Variants in USP30 observed in about 807,000 individuals in gnomAD.
USP30 encodes the protein ubiquitin carboxyl-terminal hydrolase 30.
A neutral mutation model predicts 68.2 loss-of-function variants in USP30; 41 were observed. The ratio of observed to expected loss-of-function variants is 0.60; its 90% CI spans 0.47 to 0.78. The LOEUF is 0.78. Among genes scored for constraint, USP30 ranks in the 30% least tolerant of loss-of-function variants. The pLI is 0.00. For missense variants in USP30, 522 were observed against 649.4 expected (o/e 0.80, Z 2.13); for synonymous variants, 229 against 253.7 (o/e 0.90, Z 0.93).
intron 7 of USP30, among the ~76,000 whole-genome samples, chr12:109,077,331 GTCTTTTCTTTAGCTCTATT>G (rs1313679249): frequency 6.6e-6 from 1 of 151,996 alleles, no homozygotes; most frequent in Non-Finnish European, 1.5e-5. Context: ...GCTAAAATTT[GTCTTTTCTTTAGCTCTATT>G]TCTGCTAATT....
intron 3 of USP30, among the ~76,000 whole-genome samples, chr12:109,043,372 T>G (rs1276080168): frequency 6.6e-6 from 1 of 152,150 alleles, no homozygotes; most frequent in Non-Finnish European, 1.5e-5. Context: ...CAAAACAGTA[T>G]GATACTGGCA....
At chr12:109,055,038 G>A (rs568911958) in intron 1 of USP30, among the ~76,000 whole-genome samples, 12 of 151,764 alleles carry the variant, frequency 7.9e-5, no homozygotes, top group South Asian at 2.1e-4. Context: ...ACACAAACAC[G>A]TATGTATGCA....
chr12:109,028,269 T>C (rs2040458308), intron 3 of USP30, among the ~76,000 whole-genome samples: 1 of 152,170 alleles, frequency 6.6e-6, no homozygotes, highest in Non-Finnish European at 1.5e-5. Context: ...ATTTTTGTAT[T>C]GCTGTAAAGG....
At position 109,023,168 on chromosome 12, in the gene USP30, G is replaced by A. The variant is rs1736125986; in HGVS notation, c.-498+1G>A. ...ATTATGGATTCAAATGTCTCTGAAGGTTTTTGCTTTAATTACCCCTTTTCC... is the reference window on the plus strand; with the variant it reads ...ATTATGGATTCAAATGTCTCTGAAGATTTTTGCTTTAATTACCCCTTTTCC... On this transcript the variant is annotated splice_donor_variant, in intron 1 of 15. Transcript: ENST00000392784. LOFTEE classifies it low-confidence loss of function (5UTR_SPLICE). 1.3e-5 allele frequency: 2 copies of A among 152,260 alleles called. No homozygotes were observed. The highest frequency in any genetic ancestry group is 4.1e-4 in the South Asian group (2 of 4,832). 9.4% of individuals were successfully genotyped at this position (152,260 alleles called of 1,614,324 possible). A position where few individuals can be genotyped will look rare whatever the true frequency, so the allele number is the denominator to read the frequency against.
chr12:109,069,681 G>T (rs1161238016), intron 4 of USP30, among the ~76,000 whole-genome samples: 1 of 152,190 alleles, frequency 6.6e-6, no homozygotes, highest in Non-Finnish European at 1.5e-5. Context: ...GCAGGCAGGG[G>T]TCGGTGCAGA....
In USP30 at chr12:109,082,548, A is replaced by G; in HGVS notation, c.868-115A>G. 4 of 932,684 alleles carry G rather than the reference A, an allele frequency of 4.3e-6. No homozygotes were observed. The South Asian group carries it at 6.6e-5, about 15-fold the overall frequency. 57.8% of individuals were successfully genotyped at this position (932,684 alleles called of 1,614,324 possible). On this transcript the variant is annotated intron_variant, in intron 9 of 12. Coordinates refer to ENST00000257548, the MANE Select transcript of USP30 (RefSeq NM_032663.5). Reference sequence around the variant, plus strand: ...ATAACTGGGCAGCTGGGTTCATTTCAGCAGGTAGCAGTCAAGTGCCAATTG... The same window carrying G: ...ATAACTGGGCAGCTGGGTTCATTTCGGCAGGTAGCAGTCAAGTGCCAATTG...
intron 7 of USP30, among the ~76,000 whole-genome samples, chr12:109,074,483 T>C (rs1332990583): frequency 6.6e-6 from 1 of 152,220 alleles, no homozygotes; most frequent in African/African-American, 2.4e-5. Flanking sequence ...CCATTTTTCA[T>C]TCCCACCGGC....
chr12:109,067,202 C>G (rs774006489), intron 3 of USP30, among the ~76,000 whole-genome samples: 1 of 150,412 alleles, frequency 6.6e-6, no homozygotes, highest in Non-Finnish European at 1.5e-5. Flanking sequence ...CAAGCTCCGC[C>G]TCCCGGGTTC....
chr12:109,083,866 C>T (rs908572972), intron 11 of USP30, among the ~76,000 whole-genome samples: 1 of 152,142 alleles, frequency 6.6e-6, no homozygotes, highest in African/African-American at 2.4e-5. Context: ...GGCCCGACAC[C>T]TCATCATGTC....
intron 1 of USP30, chr12:109,053,540 A>C (rs899842445): frequency 1.3e-5 from 2 of 153,456 alleles, no homozygotes; most frequent in African/African-American, 4.8e-5. Context: ...GCTGACCCCA[A>C]ATGACTGAGA....
intron 1 of USP30, chr12:109,053,801 GT>G: frequency 3.7e-6 from 1 of 271,544 alleles, no homozygotes; most frequent in Non-Finnish European, 7.4e-6. Flanking sequence ...TTGTCCCTGG[GT>G]ATTTTTTCCT....
At chr12:109,067,752 T>G in intron 4 of USP30, 125 bp downstream of exon 4, 1 of 774,100 alleles carries the variant, frequency 1.3e-6, no homozygotes, top group Non-Finnish European at 2.1e-6. Context: ...TTTAGTGTTC[T>G]GGGACCAGAG....
chr12:109,038,535 T>C (rs1201462498), intron 3 of USP30, among the ~76,000 whole-genome samples: 2 of 152,198 alleles, frequency 1.3e-5, no homozygotes, highest in Admixed American at 1.3e-4. Context: ...ATTCATTTCT[T>C]CAGCAATGAA....
intron 7 of USP30, among the ~76,000 whole-genome samples, chr12:109,074,949 G>C (rs150220465): frequency 4.6e-4 from 70 of 152,290 alleles, no homozygotes; most frequent in African/African-American, 1.6e-3. Context: ...ATTCCATATA[G>C]GTATGAGATC....
chr12:109,083,432 A>C (rs2041862130), intron 11 of USP30, among the ~76,000 whole-genome samples: 1 of 152,034 alleles, frequency 6.6e-6, no homozygotes, highest in South Asian at 2.1e-4. Context: ...TGTAGGGAGG[A>C]CATGTCCTGG....
chr12:109,060,318 T>G (rs1344060286), intron 3 of USP30, among the ~76,000 whole-genome samples: 2 of 152,236 alleles, frequency 1.3e-5, no homozygotes, highest in African/African-American at 4.8e-5. Flanking sequence ...GGAAAAAAAC[T>G]ATACTTCAAC....
At position 109,085,261 on chromosome 12, in the gene USP30, A is replaced by T. The variant is rs145858100; in HGVS notation, c.1289+188A>T. On this transcript the variant is annotated intron_variant, in intron 12 of 12. Transcript: ENST00000257548. ...AATAACTTTTAAATTAAAAATTTTTAAAGTACATAAAATTTACATATGCAT... is the reference window on the plus strand; with the variant it reads ...AATAACTTTTAAATTAAAAATTTTTTAAGTACATAAAATTTACATATGCAT... Among the ~76,000 whole-genome samples, 704 of 152,360 alleles carry T rather than the reference A, an allele frequency of 4.6e-3. 7 individuals are homozygous for T. Among genetic ancestry groups the T allele is most frequent in the African/African-American group, 0.016 (670 of 41,576 alleles).
exon 2 of USP30, chr12:109,024,907 C>G (rs990593852): frequency 6.6e-6 from 1 of 152,398 alleles, no homozygotes; most frequent in Admixed American, 6.5e-5. Flanking sequence ...GCGTGAACCA[C>G]CACACCAGCC....
intron 3 of USP30, among the ~76,000 whole-genome samples, chr12:109,033,651 T>C (rs575554509): frequency 3.9e-5 from 6 of 152,324 alleles, no homozygotes; most frequent in East Asian, 3.9e-4. Context: ...GAATAAAACA[T>C]TGATGGAAAG....
Sources: gnomAD v4.1 joint callset for allele counts (sites outside exome capture counted in the v4.1 genomes callset) on GRCh38, gnomAD v4.1.1 for gene constraint, MANE v1.5 for transcripts, NCBI Gene and HGNC (gene_info 2026-07-23, HGNC 2026-07-21) for gene names.